The following AKAP9 variants were observed in gnomAD, a reference collection of about 807,000 sequenced individuals.
AKAP9 encodes the protein A-kinase anchoring protein 9.
A neutral mutation model predicts 488.5 loss-of-function variants in AKAP9; 311 were observed. The observed-to-expected ratio is 0.64, with a 90% CI of 0.58 to 0.70. AKAP9 has a LOEUF of 0.70. Ranked by LOEUF, AKAP9 falls within the 30% of genes least tolerant of loss-of-function variation. The pLI is 0.00. For missense variants in AKAP9, 4,215 were observed against 4,374.5 expected, an observed-to-expected ratio of 0.96 and a Z score of 1.03; for synonymous variants, 1,462 against 1,483.5, an observed-to-expected ratio of 0.99 and a Z score of 0.33.
chr7:92,070,401 G>GTT (rs112147456), intron 27 of AKAP9, among the ~76,000 whole-genome samples, 195 bp downstream of exon 27: 251 of 145,536 alleles, frequency 1.7e-3, no homozygotes, highest in Middle Eastern at 0.014. Flanking sequence ...TGTTGTTGTT[G>GTT]TTGTTTTGTT....
At chr7:92,097,495 G>C (rs1387614086) in intron 41 of AKAP9, 91 bp from the exon 42 acceptor site, 6 of 1,484,204 alleles carry the variant, frequency 4.0e-6, no homozygotes, top group Non-Finnish European at 5.6e-6. Flanking sequence ...AAGTTTATTG[G>C]ATATAAACAA....
rs1002162826 is a variant in AKAP9, at chr7:92,040,964, G to C, written c.4917+66G>C. ...TTTTTCCAAACACCAACTTGAACCA[G>C]ATCCCCAATTAAAACAACAGTATTT... is the stretch of plus-strand genomic sequence containing the variant. On this transcript the variant is annotated intron_variant, in intron 18 of 49. Transcript: ENST00000356239. The C allele has an allele frequency of 6.9e-6, 9 of 1,312,210 alleles. No homozygotes were observed. In the Admixed American group the frequency reaches 1.6e-4, roughly 23 times the overall value. 81.3% of individuals were successfully genotyped at this position (1,312,210 alleles called of 1,614,324 possible). A position where few individuals can be genotyped will look rare whatever the true frequency, so the allele number is the denominator to read the frequency against.
intron 22 of AKAP9, among the ~76,000 whole-genome samples, chr7:92,056,427 C>G (rs1274517552): frequency 6.6e-6 from 1 of 151,824 alleles, no homozygotes; most frequent in East Asian, 1.9e-4. Context: ...CAACTTCTAT[C>G]TGCCAAAGCC....
chr7:92,089,675 T>G (rs190251915), intron 38 of AKAP9, 146 bp downstream of exon 38: 1 of 923,392 alleles, frequency 1.1e-6, no homozygotes, highest in Admixed American at 2.2e-5. Context: ...CAATCTATAT[T>G]AATTACTCTA....
At position 92,100,919 on chromosome 7, in the gene AKAP9, G is replaced by A; in HGVS notation, c.10960G>A (p.Val3654Ile). 6.2e-7 allele frequency: 1 copy of A among 1,614,182 alleles called. No homozygotes were observed. Among genetic ancestry groups the A allele is most frequent in the African/African-American group, 1.3e-5 (1 of 75,048 alleles). ...AGCCATCATTGCCTCTGAAAAAGAA[G>A]TATGGAACAGAGAAAAATTGACTCT... ...IEAIIASEKE[V>I]WNREKLTLQK... The change falls in exon 45 of 50, where the codon GTA becomes ATA. Residue 3654 changes from valine (V) to isoleucine (I), a missense_variant. By Grantham distance (29) the Val-to-Ile change is conservative (BLOSUM62 3). Around this residue, in one of 5 missense-constraint regions of AKAP9, gnomAD observed 74 missense variants for 113.0 expected, o/e 0.65. Coordinates refer to ENST00000356239, the MANE Select transcript of AKAP9 (RefSeq NM_005751.5).
chr7:92,060,838 C>CT lies in AKAP9; in HGVS notation c.5602-421dup, dbSNP rs566920756. Among the ~76,000 whole-genome samples, 18 of 152,208 alleles carry CT rather than the reference C, an allele frequency of 1.2e-4. No individual in the cohort carries two copies. In the South Asian group the frequency reaches 2.1e-3, roughly 18 times the overall value. Reference sequence around the variant, plus strand: ...GGTCCCCCACAGTATACAGCAGATACTGTAGGAGTCACAATCCGTAAATAC... The same window carrying CT: ...GGTCCCCCACAGTATACAGCAGATACTTGTAGGAGTCACAATCCGTAAATAC... On this transcript the variant is annotated intron_variant, in intron 22 of 49. Transcript: ENST00000356239.
chr7:92,098,533 A>G (rs573503890), intron 43 of AKAP9, among the ~76,000 whole-genome samples: 27 of 152,320 alleles, frequency 1.8e-4, no homozygotes, highest in African/African-American at 6.3e-4. Context: ...TACAGTGTCT[A>G]AACAATTGAC....
intron 28 of AKAP9, among the ~76,000 whole-genome samples, chr7:92,074,328 G>A (rs1359371951): frequency 3.3e-5 from 5 of 152,122 alleles, no homozygotes; most frequent in Non-Finnish European, 7.4e-5. Flanking sequence ...ACCATCTCAT[G>A]CCAGTTAGAA....
chr7:91,966,144 G>T (rs1253097202), intron 1 of AKAP9, among the ~76,000 whole-genome samples: 1 of 151,800 alleles, frequency 6.6e-6, no homozygotes, highest in Non-Finnish European at 1.5e-5. Flanking sequence ...CTCCTGCCTC[G>T]GCCTCCCATG....
At chr7:91,995,832 G>T (rs765873275) in intron 7 of AKAP9, 32 bp downstream of exon 7, 1 of 1,531,634 alleles carries the variant, frequency 6.5e-7, no homozygotes. Context: ...CAGCTAACTT[G>T]TAGAAGCTTT....
At chr7:92,081,497 A>T (rs13240346) in intron 31 of AKAP9, among the ~76,000 whole-genome samples, 48,956 of 84,102 alleles carry the variant, frequency 0.58, 11,163 homozygotes, top group African/African-American at 0.66. Context: ...ATATATATAT[A>T]TTTTTTTTTT....
rs377728547 is a variant in AKAP9, at chr7:92,013,832, A to G, written c.3533-417A>G. 2.6e-5 allele frequency among the ~76,000 whole-genome samples: 4 copies of G among 152,044 alleles called. 1 individual carries two copies. On this transcript the variant is annotated intron_variant, in intron 9 of 49. Coordinates refer to ENST00000356239, the MANE Select transcript of AKAP9 (RefSeq NM_005751.5). ...AAACTAGAGGCTAATGAATAGGTCC[A>G]TTAATGGGTGGTGAAGTCAGTTTAG... is the stretch of plus-strand genomic sequence containing the variant.
chr7:92,026,359 C>T (rs887143165), intron 14 of AKAP9, among the ~76,000 whole-genome samples: 7 of 152,250 alleles, frequency 4.6e-5, no homozygotes, highest in East Asian at 1.9e-4. Context: ...TCTCTTTCCA[C>T]GGTCTCCCTC....
intron 2 of AKAP9, among the ~76,000 whole-genome samples, chr7:91,975,866 G>C (rs569050082): frequency 3.3e-5 from 5 of 150,020 alleles, no homozygotes; most frequent in African/African-American, 1.2e-4. Context: ...GAAATGTTGA[G>C]GTTTTTTTGT....
At chr7:91,993,707 C>T (rs1798054046) in intron 5 of AKAP9, among the ~76,000 whole-genome samples, 1 of 152,202 alleles carries the variant, frequency 6.6e-6, no homozygotes, top group South Asian at 2.1e-4. Flanking sequence ...GTTAATATAA[C>T]ACAGACTCTT....
Position 92,001,355 on chromosome 7 carries a change from A to T in AKAP9, c.1438A>T (p.Asn480Tyr), listed in dbSNP as rs746546794. The T allele has an allele frequency of 6.2e-7, 1 of 1,613,774 alleles. No individual in the cohort carries two copies. Among genetic ancestry groups the T allele is most frequent in the Non-Finnish European group, 8.5e-7 (1 of 1,179,718 alleles). ...EMENALRSYSNITVNEDQIKL... is the reference protein window; with the variant it reads ...EMENALRSYSYITVNEDQIKL... Reference sequence around the variant, plus strand: ...GGAGAATGCTTTAAGGTCATATTCAAATATTACAGTTAATGAAGATCAGAT... The same window carrying T: ...GGAGAATGCTTTAAGGTCATATTCATATATTACAGTTAATGAAGATCAGAT... Residue 480 changes from asparagine (N) to tyrosine (Y), a missense_variant, in exon 8 of 50, where the codon AAT becomes TAT. Physicochemically the swap from Asn to Tyr is moderately radical, Grantham distance 143 (BLOSUM62 -2). Coordinates refer to ENST00000356239, the MANE Select transcript of AKAP9 (RefSeq NM_005751.5).
chr7:92,005,248 A>T (rs1360775144), intron 8 of AKAP9, among the ~76,000 whole-genome samples: 1 of 152,196 alleles, frequency 6.6e-6, no homozygotes, highest in Non-Finnish European at 1.5e-5. Flanking sequence ...TTTTGCATCG[A>T]TGTTCATCAG....
At chr7:91,948,326 A>G (rs1791728042) in intron 1 of AKAP9, among the ~76,000 whole-genome samples, 1 of 152,136 alleles carries the variant, frequency 6.6e-6, no homozygotes, top group African/African-American at 2.4e-5. Context: ...TATGGTAGTT[A>G]TATTTCAACT....
At chr7:92,072,263 A>G (rs560601270) in intron 28 of AKAP9, among the ~76,000 whole-genome samples, 147 of 152,278 alleles carry the variant, frequency 9.7e-4, no homozygotes, top group Non-Finnish European at 8.7e-4. Context: ...GTTCAAAACT[A>G]TGAGAAACTT....
Sources: gnomAD v4.1 joint callset for allele counts (sites outside exome capture counted in the v4.1 genomes callset) on GRCh38, gnomAD v4.1.1 for gene constraint, gnomAD v4.1.1 regional missense constraint, MANE v1.5 for transcripts, NCBI Gene and HGNC (gene_info 2026-07-23, HGNC 2026-07-21) for gene names.